Variants in B3GALT1 observed in about 807,000 individuals in gnomAD.
B3GALT1 encodes the protein UDP-Gal:betaGlcNAc beta 1,3-galactosyltransferase, polypeptide 1.
A neutral mutation model predicts 23.2 loss-of-function variants in B3GALT1; 10 were observed. The observed-to-expected ratio is 0.43, with a 90% CI of 0.27 to 0.73. The LOEUF (loss-of-function observed/expected upper bound fraction) is 0.73, where lower values mean the gene tolerates loss of function less well. Among genes scored for constraint, B3GALT1 ranks in the 30% least tolerant of loss-of-function variants. The pLI is 0.21. For missense variants in B3GALT1, 299 were observed against 405.4 expected (o/e 0.74, Z 2.25); for synonymous variants, 156 against 141.5 (o/e 1.10, Z -0.73).
At chr2:167,797,483 G>A (rs1688562746) in intron 3 of B3GALT1, among the ~76,000 whole-genome samples, 1 of 151,950 alleles carries the variant, frequency 6.6e-6, no homozygotes, top group Admixed American at 6.6e-5. Flanking sequence ...TATTCCTTTG[G>A]GTATATACCC....
chr2:167,778,846 C>G (rs1688203755), intron 3 of B3GALT1, among the ~76,000 whole-genome samples: 1 of 152,128 alleles, frequency 6.6e-6, no homozygotes, highest in African/African-American at 2.4e-5. Context: ...CTAACTCATC[C>G]CATTCTGCTG....
intron 3 of B3GALT1, among the ~76,000 whole-genome samples, chr2:167,753,685 A>G (rs1218357567): frequency 6.6e-6 from 1 of 152,142 alleles, no homozygotes; most frequent in Admixed American, 6.6e-5. Context: ...TCATTGTTTT[A>G]ATTGCACAAA....
At chr2:167,725,969 T>C (rs536514479) in intron 3 of B3GALT1, among the ~76,000 whole-genome samples, 1 of 152,320 alleles carries the variant, frequency 6.6e-6, no homozygotes, top group Non-Finnish European at 1.5e-5. Flanking sequence ...TATTTTAAAA[T>C]ATTTATGGGA....
At chr2:167,491,731 C>T (rs1040669701) in intron 2 of B3GALT1, among the ~76,000 whole-genome samples, 1 of 151,592 alleles carries the variant, frequency 6.6e-6, no homozygotes. Context: ...AGGAGAATGG[C>T]ATGTACCCAG....
chr2:167,841,675 G>C (rs1472637105), intron 4 of B3GALT1, among the ~76,000 whole-genome samples: 1 of 152,172 alleles, frequency 6.6e-6, no homozygotes, highest in Non-Finnish European at 1.5e-5. Context: ...CACGTTCCAG[G>C]CTGTTTTGTT....
intron 3 of B3GALT1, among the ~76,000 whole-genome samples, chr2:167,717,907 A>G (rs1478209663): frequency 1.3e-5 from 2 of 152,182 alleles, no homozygotes; most frequent in South Asian, 2.1e-4. Flanking sequence ...AAAAAATGCA[A>G]TTTTCTTCAT....
At chr2:167,578,541 G>A (rs1044097494) in intron 2 of B3GALT1, among the ~76,000 whole-genome samples, 1 of 151,680 alleles carries the variant, frequency 6.6e-6, no homozygotes, top group African/African-American at 2.4e-5. Context: ...GTATTGGAGG[G>A]TAGGGGAGCT....
chr2:167,338,136 A>G (rs1697088801), intron 1 of B3GALT1, among the ~76,000 whole-genome samples: 1 of 152,182 alleles, frequency 6.6e-6, no homozygotes, highest in Non-Finnish European at 1.5e-5. Flanking sequence ...GGAAAATTTA[A>G]TAAGGTCAAA....
intron 3 of B3GALT1, among the ~76,000 whole-genome samples, chr2:167,704,484 A>G (rs183845783): frequency 6.6e-6 from 1 of 152,152 alleles, no homozygotes; most frequent in Non-Finnish European, 1.5e-5. Context: ...CAAAAATAGT[A>G]TCATACCATG....
chr2:167,512,507 TGC>T (rs1491466610), intron 2 of B3GALT1, among the ~76,000 whole-genome samples: 334 of 145,292 alleles, frequency 2.3e-3, no homozygotes, highest in African/African-American at 8.1e-3. Flanking sequence ...ATATTATACA[TGC>T]ATATATACAT....
At chr2:167,825,181 G>C (rs1284303468) in intron 4 of B3GALT1, among the ~76,000 whole-genome samples, 2 of 151,590 alleles carry the variant, frequency 1.3e-5, no homozygotes, top group African/African-American at 4.9e-5. Flanking sequence ...CTGCTCAGGA[G>C]GCTGAGGCAG....
intron 1 of B3GALT1, among the ~76,000 whole-genome samples, chr2:167,345,324 G>T (rs936665085): frequency 2.6e-5 from 4 of 152,024 alleles, no homozygotes; most frequent in African/African-American, 9.7e-5. Context: ...TGACATCTGA[G>T]CCCAGACTAT....
At chr2:167,353,141 C>T (rs760637982) in intron 1 of B3GALT1, among the ~76,000 whole-genome samples, 7 of 152,136 alleles carry the variant, frequency 4.6e-5, no homozygotes, top group African/African-American at 1.4e-4. Context: ...CAGAGTTGCA[C>T]GGAGATGGTA....
intron 1 of B3GALT1, among the ~76,000 whole-genome samples, chr2:167,306,152 G>A (rs1696548924): frequency 6.6e-6 from 1 of 151,950 alleles, no homozygotes; most frequent in South Asian, 2.1e-4. Context: ...GTTGATGAAT[G>A]TATTATGTAT....
intron 2 of B3GALT1, among the ~76,000 whole-genome samples, chr2:167,536,209 G>A (rs1350362112): frequency 1.3e-5 from 2 of 152,004 alleles, no homozygotes; most frequent in Admixed American, 1.3e-4. Flanking sequence ...GCCCAGCCAA[G>A]CATTGCAATT....
intron 3 of B3GALT1, chr2:167,715,889 C>T: frequency 6.2e-7 from 1 of 1,613,642 alleles, no homozygotes; most frequent in Non-Finnish European, 8.5e-7. Flanking sequence ...AACTTCTCCA[C>T]AAAAAAAGGA....
intron 2 of B3GALT1, among the ~76,000 whole-genome samples, chr2:167,493,254 T>C (rs2105343625): frequency 6.6e-6 from 1 of 152,324 alleles, no homozygotes; most frequent in South Asian, 2.1e-4. Context: ...GGTTATATTA[T>C]TTTGTAAACC....
rs970166092 is a variant in B3GALT1 at position 167,797,822 on chromosome 2, A to G, written c.-351-20850A>G. Among the ~76,000 whole-genome samples, 3 of 152,100 alleles carry G rather than the reference A, an allele frequency of 2.0e-5. No homozygotes were observed. The South Asian group carries it at 6.2e-4, about 32-fold the overall frequency. On this transcript the variant is annotated intron_variant, in intron 3 of 4. Coordinates refer to ENST00000392690, the MANE Select transcript of B3GALT1 (RefSeq NM_020981.4). The stretch of plus-strand genomic sequence containing the variant: ...CTCCTGGGTTCATGCCATTCTTCTC[A>G]GCCTCCTGAGTAGCTGGGACTACAG...
Position 167,379,999 on chromosome 2 carries a change from G to C in B3GALT1, c.-511+86665G>C, listed in dbSNP as rs545011958. Among the ~76,000 whole-genome samples, 32 of 152,320 alleles carry C rather than the reference G, an allele frequency of 2.1e-4. No individual in the cohort carries two copies. The South Asian group carries it at 3.7e-3, about 18-fold the overall frequency. ...TGTGGTGGCTCAGGCTCCTGATCCA[G>C]GTGAGCTGGTTCTCTGAATGCCTGA... On this transcript the variant is annotated intron_variant, in intron 1 of 4. Coordinates refer to ENST00000392690, the MANE Select transcript of B3GALT1 (RefSeq NM_020981.4).
Sources: allele counts gnomAD v4.1 joint callset (sites outside exome capture counted in the v4.1 genomes callset), GRCh38; gene constraint gnomAD v4.1.1; transcripts MANE v1.5; gene names NCBI Gene and HGNC (gene_info 2026-07-23, HGNC 2026-07-21).